Variants in THSD7A observed in about 807,000 individuals in gnomAD.
THSD7A encodes the protein thrombospondin type-1 domain-containing protein 7A.
Under a neutral mutation model 231.3 loss-of-function variants are expected in THSD7A, and 96 were observed. The ratio of observed to expected loss-of-function variants is 0.41; its 90% CI spans 0.35 to 0.49. The LOEUF (loss-of-function observed/expected upper bound fraction) is 0.49. THSD7A is among the 20% of genes least tolerant of loss of function. THSD7A has a pLI of 0.05. For missense variants in THSD7A, 2,290 were observed against 2,070.2 expected, an observed-to-expected ratio of 1.11 and a Z score of -2.06; for synonymous variants, 940 against 743.3, an observed-to-expected ratio of 1.26 and a Z score of -4.30.
At chr7:11,763,886 C>A (rs560703833) in intron 1 of THSD7A, among the ~76,000 whole-genome samples, 1 of 152,164 alleles carries the variant, frequency 6.6e-6, no homozygotes, top group Non-Finnish European at 1.5e-5. Flanking sequence ...TCTAAAATTC[C>A]TCTGTGGAGT....
At chr7:11,819,726 T>C (rs1390270997) in intron 1 of THSD7A, among the ~76,000 whole-genome samples, 5 of 152,158 alleles carry the variant, frequency 3.3e-5, no homozygotes, top group South Asian at 2.1e-4. Context: ...CTATATAATA[T>C]GGTAATGGTG....
At chr7:11,486,998 C>G (rs1786685862) in intron 6 of THSD7A, among the ~76,000 whole-genome samples, 2 of 152,126 alleles carry the variant, frequency 1.3e-5, no homozygotes, top group South Asian at 4.1e-4. Context: ...TTTTTGTAAA[C>G]TCAAAATGAG....
intron 6 of THSD7A, among the ~76,000 whole-genome samples, chr7:11,483,645 C>A (rs1786523165): frequency 6.6e-6 from 1 of 152,056 alleles, no homozygotes; most frequent in Admixed American, 6.6e-5. Context: ...AATGATGACT[C>A]TTTTTTCTAC....
chr7:11,722,281 T>C (rs552186684), intron 1 of THSD7A, among the ~76,000 whole-genome samples: 9 of 152,018 alleles, frequency 5.9e-5, no homozygotes, highest in East Asian at 2.0e-4. Flanking sequence ...TCTACAAGAT[T>C]AGGATTATGG....
In THSD7A at chr7:11,447,316, T is replaced by C. The variant is rs377622211; in HGVS notation, c.2714A>G (p.Asp905Gly). 29 of 1,612,866 alleles carry C rather than the reference T, an allele frequency of 1.8e-5. No individual in the cohort carries two copies. The African/African-American group carries it at 3.3e-4, about 19-fold the overall frequency. ...GGACCAGCTGGTCAATTGACAGTCATCCTGGCAGGGGATCTGGCAGGCCTG... is the reference window on the plus strand; with the variant it reads ...GGACCAGCTGGTCAATTGACAGTCACCCTGGCAGGGGATCTGGCAGGCCTG... ...LTQACQIPCQDDCQLTSWSKF... is the reference protein window; with the variant it reads ...LTQACQIPCQGDCQLTSWSKF... The change falls in exon 12 of 28, where the codon GAT (aspartate) becomes GGT (glycine). Residue 905 changes from aspartate (D) to glycine (G), a missense_variant. Physicochemically the swap from Asp to Gly is moderately conservative, Grantham distance 94 (BLOSUM62 -1). Coordinates refer to ENST00000423059, the MANE Select transcript of THSD7A (RefSeq NM_015204.3).
chr7:11,770,749 A>G (rs1209400799), intron 1 of THSD7A, among the ~76,000 whole-genome samples: 1 of 152,182 alleles, frequency 6.6e-6, no homozygotes, highest in Non-Finnish European at 1.5e-5. Context: ...ATGCTAAAGT[A>G]AGGTCAATAT....
In THSD7A at chr7:11,706,630, C is replaced by CTTTTTTTTTTTTTTTTTTT. The variant is rs66964252; in HGVS notation, c.191-69688_191-69670dup. Among the ~76,000 whole-genome samples the CTTTTTTTTTTTTTTTTTTT allele has an allele frequency of 1.1e-3, 75 of 66,384 alleles. 4 individuals carry two copies. Among genetic ancestry groups the CTTTTTTTTTTTTTTTTTTT allele is most frequent in the African/African-American group, 1.9e-3 (31 of 16,098 alleles). 43.6% of individuals were successfully genotyped at this position (66,384 alleles called of 152,430 possible). On this transcript the variant is annotated intron_variant, in intron 1 of 27. Transcript: ENST00000423059. Reference sequence around the variant, plus strand: ...ATTGACTAAAAATTTTAACAAGGTGCTTTTTTTTTTTTTTTTTTTTTTTTT... The same window carrying CTTTTTTTTTTTTTTTTTTT: ...ATTGACTAAAAATTTTAACAAGGTGCTTTTTTTTTTTTTTTTTTTTTTTTTTTTTTTTTTTTTTTTTTTT...
At chr7:11,398,321 T>C (rs1259039479) in intron 23 of THSD7A, among the ~76,000 whole-genome samples, 2 of 151,902 alleles carry the variant, frequency 1.3e-5, no homozygotes, top group East Asian at 1.9e-4. Context: ...TCATTCATAA[T>C]TGGGAGTTGA....
At chr7:11,804,850 C>A (rs574654495) in intron 1 of THSD7A, among the ~76,000 whole-genome samples, 1 of 152,112 alleles carries the variant, frequency 6.6e-6, no homozygotes, top group African/African-American at 2.4e-5. Context: ...GGCCTAGCCC[C>A]GCTTGGTTCT....
chr7:11,726,156 T>A (rs1781537521), intron 1 of THSD7A, among the ~76,000 whole-genome samples: 1 of 152,000 alleles, frequency 6.6e-6, no homozygotes, highest in Admixed American at 6.6e-5. Flanking sequence ...CTGCCAAATA[T>A]CCTACACATT....
chr7:11,576,409 A>C (rs1790906716), intron 4 of THSD7A, among the ~76,000 whole-genome samples: 1 of 152,144 alleles, frequency 6.6e-6, no homozygotes, highest in Non-Finnish European at 1.5e-5. Flanking sequence ...CTATGGGGAA[A>C]TCTACATATT....
At chr7:11,784,854 G>T (rs1783738960) in intron 1 of THSD7A, among the ~76,000 whole-genome samples, 1 of 151,928 alleles carries the variant, frequency 6.6e-6, no homozygotes, top group African/African-American at 2.4e-5. Flanking sequence ...ATAAATTCCG[G>T]GTGTGTGTTT....
intron 2 of THSD7A, among the ~76,000 whole-genome samples, chr7:11,606,360 G>T (rs1340363708): frequency 6.6e-6 from 1 of 152,090 alleles, no homozygotes; most frequent in East Asian, 1.9e-4. Context: ...GCCCCAGATA[G>T]CTTCAGAAGC....
chr7:11,628,693 G>A (rs888156780), intron 2 of THSD7A, among the ~76,000 whole-genome samples: 1 of 152,116 alleles, frequency 6.6e-6, no homozygotes, highest in East Asian at 1.9e-4. Flanking sequence ...CTAGTGCCCA[G>A]AATGTCTTGA....
At position 11,458,213 on chromosome 7, in the gene THSD7A, G is replaced by A. The variant is rs557865540; in HGVS notation, c.2605+2449C>T. On this transcript the variant is annotated intron_variant, in intron 11 of 27. Transcript: ENST00000423059. The stretch of plus-strand genomic sequence containing the variant: ...AGTTCATTTTTTTATTTAAGTCTCT[G>A]ACCATATAAGTAAGGATAAAGATGA... Among the ~76,000 whole-genome samples, 14 of 152,114 alleles carry A rather than the reference G, an allele frequency of 9.2e-5. No homozygotes were observed. In the South Asian group the frequency reaches 2.7e-3, roughly 29 times the overall value.
chr7:11,782,991 T>C (rs73677840), intron 1 of THSD7A, among the ~76,000 whole-genome samples: 4,490 of 152,254 alleles, frequency 0.029, 216 homozygotes, highest in African/African-American at 0.1. Flanking sequence ...TCTGCTACAA[T>C]GATTTGAGTG....
chr7:11,653,123 C>T (rs1267307921), intron 1 of THSD7A, among the ~76,000 whole-genome samples: 1 of 151,870 alleles, frequency 6.6e-6, no homozygotes. Context: ...CTTTCAACAA[C>T]CCTGCCATAC....
chr7:11,795,774 G>T (rs944467354), intron 1 of THSD7A, among the ~76,000 whole-genome samples: 2 of 151,572 alleles, frequency 1.3e-5, no homozygotes, highest in Non-Finnish European at 2.9e-5. Flanking sequence ...AGCTGCTGGA[G>T]GAAGAGGCCC....
At chr7:11,386,728 G>A (rs1782758541) in intron 23 of THSD7A, among the ~76,000 whole-genome samples, 1 of 152,160 alleles carries the variant, frequency 6.6e-6, no homozygotes, top group African/African-American at 2.4e-5. Context: ...GATCCCATTT[G>A]TCAATTTTGG....
Sources: gnomAD v4.1 joint callset for allele counts (sites outside exome capture counted in the v4.1 genomes callset) on GRCh38, gnomAD v4.1.1 for gene constraint, MANE v1.5 for transcripts, NCBI Gene and HGNC (gene_info 2026-07-23, HGNC 2026-07-21) for gene names.